The following IGSF9B variants were observed in gnomAD, a reference collection of about 807,000 sequenced individuals.
IGSF9B encodes the protein immunoglobulin superfamily member 9B.
In IGSF9B, 48 loss-of-function variants were observed where a neutral mutation model predicts 143.7. That is an observed-to-expected ratio of 0.33 (90% CI 0.26 to 0.42). The LOEUF is 0.42. Ranked by LOEUF, IGSF9B falls within the 20% of genes least tolerant of loss-of-function variation. The pLI, the probability that IGSF9B is intolerant of heterozygous loss-of-function variation, is 1.00. For synonymous variants in IGSF9B, 903 were observed against 833.1 expected (o/e 1.08, Z -1.44); for missense variants, 1,706 against 1,980.0 (o/e 0.86, Z 2.63).
Position 133,919,993 on chromosome 11 carries a change from T to C in IGSF9B, c.3732A>G (p.Ala1244=), listed in dbSNP as rs1396117593. ...GCGTAGACTTTCGAGAAAAGCTGAC[T>C]GCAGCCGGCGGCTGCAGGGTGATCT... ...MSEITLQPPA[A]VSFSRKSTPS... is the part of the protein sequence containing the mutation. Residue 1244 remains alanine, a synonymous_variant, in exon 18 of 20, where the codon GCA becomes GCG. Transcript: ENST00000533871. The C allele has an allele frequency of 3.2e-6, 5 of 1,581,632 alleles. No homozygotes were observed. The highest frequency in any genetic ancestry group is 4.3e-6 in the Non-Finnish European group (5 of 1,163,792).
rs535940574 is a variant in IGSF9B at position 133,901,006 on chromosome 11, C to T, written c.*8063G>A. On this transcript the variant is annotated 3_prime_UTR_variant, in exon 20 of 20. Transcript: ENST00000533871. ...GGAACTGGTTACCTTTCCACAGCCA[C>T]GTGGGGATGGAGTCACAGTTTTCAT... The T allele has an allele frequency of 4.6e-5, 7 of 152,202 alleles. No homozygotes were observed. The highest frequency in any genetic ancestry group is 1.4e-4 in the African/African-American group (6 of 41,436). 9.4% of individuals were successfully genotyped at this position (152,202 alleles called of 1,614,324 possible).
In IGSF9B at chr11:133,909,470, C is replaced by A. The variant is rs527716440; in HGVS notation, c.4106-193G>T. On this transcript the variant is annotated intron_variant, in intron 19 of 19. Coordinates refer to ENST00000533871, the MANE Select transcript of IGSF9B (RefSeq NM_001277285.4). This position sits in a 1 kb window ranked among gnomAD's most constrained non-coding sequence, Gnocchi z 4.2. ...CTTTTCCGCCAAGACAACCAGCAACCTGACCCTGCTCCTTTCACTTGAATA... is the reference window on the plus strand; with the variant it reads ...CTTTTCCGCCAAGACAACCAGCAACATGACCCTGCTCCTTTCACTTGAATA... Among the ~76,000 whole-genome samples the A allele has an allele frequency of 6.6e-6, 1 of 152,318 alleles. No individual in the cohort carries two copies. The highest frequency in any genetic ancestry group is 1.9e-4 in the East Asian group (1 of 5,184).
intron 15 of IGSF9B, among the ~76,000 whole-genome samples, chr11:133,923,445 A>G (rs1209598998): frequency 6.6e-6 from 1 of 152,180 alleles, no homozygotes; most frequent in African/African-American, 2.4e-5. Context: ...GTTTCACCAT[A>G]AGGAGCTGAA....
chr11:133,947,828 G>C (rs932435936), intron 1 of IGSF9B, among the ~76,000 whole-genome samples: 9 of 151,488 alleles, frequency 5.9e-5, no homozygotes, highest in Non-Finnish European at 1.5e-5. Flanking sequence ...CTGGATCTCT[G>C]TTTGTCTGTC....
rs1939150518 is a variant in IGSF9B at position 133,902,427 on chromosome 11, CCACACCACACACACCACCCAGA to C, written c.*6620_*6641del. Among the ~76,000 whole-genome samples, 1 of 74,656 alleles carries C rather than the reference CCACACCACACACACCACCCAGA, an allele frequency of 1.3e-5. No homozygotes were observed. The highest frequency in any genetic ancestry group is 5.5e-4 in the South Asian group (1 of 1,834). The allele number at this position is 74,656 out of a possible 152,430, so 49.0% of individuals were successfully genotyped here. On this transcript the variant is annotated 3_prime_UTR_variant, in exon 20 of 20. Transcript: ENST00000533871. The stretch of plus-strand genomic sequence containing the variant: ...ACACATACCACACACAATACACACA[CCACACCACACACACCACCCAGA>C]CACACCACACACAGATACACACACC...
intron 18 of IGSF9B, among the ~76,000 whole-genome samples, chr11:133,917,128 CT>C (rs1396778164): frequency 6.6e-6 from 1 of 152,320 alleles, no homozygotes; most frequent in Admixed American, 6.5e-5. Context: ...CTGTCTCCTT[CT>C]CGCCTGGAAA....
At chr11:133,956,294 C>A (rs1199585068) in intron 1 of IGSF9B, among the ~76,000 whole-genome samples, 1 of 152,180 alleles carries the variant, frequency 6.6e-6, no homozygotes, top group Non-Finnish European at 1.5e-5. Flanking sequence ...CGTGCTGCAG[C>A]CTGCCCGGAG....
intron 18 of IGSF9B, among the ~76,000 whole-genome samples, chr11:133,917,839 G>A (rs890174043): frequency 6.6e-6 from 1 of 152,074 alleles, no homozygotes; most frequent in South Asian, 2.1e-4. Flanking sequence ...GTGCGGGGGG[G>A]CTCTTCCTGG....
At position 133,909,177 on chromosome 11, in the gene IGSF9B, G is replaced by A. The variant is rs1939262847; in HGVS notation, c.4206C>T (p.Asp1402=). Residue 1402 remains aspartate (D), a synonymous_variant, in exon 20 of 20, where the codon GAC becomes GAT. Transcript: ENST00000533871. The surrounding 1 kb of genome is among the most constrained non-coding windows in gnomAD (Gnocchi z 4.2). The stretch of plus-strand genomic sequence containing the variant: ...ACAAGTCTGAGAGCCGGGCAAAGGG[G>A]TCAGGACGAGAATGTCTCTTCTTCT... ...LRKKKRHSRP[D]PFARLSDLCH... 31 of 1,535,806 alleles carry A rather than the reference G, an allele frequency of 2.0e-5. No homozygotes were observed. The highest frequency in any genetic ancestry group is 2.5e-5 in the Non-Finnish European group (29 of 1,146,750).
Position 133,919,768 on chromosome 11 carries a change from G to T in IGSF9B, c.3957C>A (p.Thr1319=). Residue 1319 remains threonine, a synonymous_variant, in exon 18 of 20, where the codon ACC becomes ACA. Transcript: ENST00000533871. ...CTGAAGTAGGTAACGTGGGTGGTGG[G>T]GTCTCCGGTCGGAGCAATTCCTCCC... ...RTGEELLRPE[T]PPPTLPTSGT... The T allele has an allele frequency of 6.7e-7, 1 of 1,481,966 alleles. No individual in the cohort carries two copies. The highest frequency in any genetic ancestry group is 1.5e-5 in the South Asian group (1 of 68,398). The allele number at this position is 1,481,966 out of a possible 1,614,324, so 91.8% of individuals were successfully genotyped here.
Position 133,945,566 on chromosome 11 carries a change from C to T in IGSF9B, c.262+495G>A, listed in dbSNP as rs984546481. Among the ~76,000 whole-genome samples the T allele has an allele frequency of 1.3e-5, 2 of 152,186 alleles. No individual in the cohort carries two copies. Among genetic ancestry groups the T allele is most frequent in the African/African-American group, 4.8e-5 (2 of 41,462 alleles). On this transcript the variant is annotated intron_variant, in intron 2 of 19. Transcript: ENST00000533871. This position sits in a 1 kb window ranked among gnomAD's most constrained non-coding sequence, Gnocchi z 4.6. ...TTTGCTGGCAGGAGTAACTGCCAAA[C>T]AGGACACAGACGGGGCCAGGAGAAG...
Position 133,899,013 on chromosome 11 carries a change from A to C in IGSF9B, c.*10056T>G, listed in dbSNP as rs1939071677. 1 of 152,230 alleles carries C rather than the reference A, an allele frequency of 6.6e-6. No individual in the cohort carries two copies. 9.4% of individuals were successfully genotyped at this position (152,230 alleles called of 1,614,324 possible). A position where few individuals can be genotyped will look rare whatever the true frequency, so the allele number is the denominator to read the frequency against. Reference sequence around the variant, plus strand: ...AGTGGGGAAGAGGGACAGGGCCCACACTGATCCATGGGAGAGTGATTCTCA... The same window carrying C: ...AGTGGGGAAGAGGGACAGGGCCCACCCTGATCCATGGGAGAGTGATTCTCA... On this transcript the variant is annotated 3_prime_UTR_variant, in exon 20 of 20. Transcript: ENST00000533871.
At chr11:133,916,929 C>G (rs3802923) in intron 18 of IGSF9B, among the ~76,000 whole-genome samples, 32,201 of 152,048 alleles carry the variant, frequency 0.21, 3,905 homozygotes, top group Non-Finnish European at 0.27. Flanking sequence ...AGCCCTCACA[C>G]TCACCCTATG....
rs1244743003 is a variant in IGSF9B at position 133,897,815 on chromosome 11, G to GC, written c.*11253dup. ...GTTCACACTCAAAGGTGTTCTGTGT[G>GC]CAGCTGTACAATTTGTTGGTTTGTC... On this transcript the variant is annotated 3_prime_UTR_variant, in exon 20 of 20. Transcript: ENST00000533871. The GC allele has an allele frequency of 6.6e-6, 1 of 152,196 alleles. No individual in the cohort carries two copies. The highest frequency in any genetic ancestry group is 1.5e-5 in the Non-Finnish European group (1 of 68,042). 9.4% of individuals were successfully genotyped at this position (152,196 alleles called of 1,614,324 possible). A position where few individuals can be genotyped will look rare whatever the true frequency, so the allele number is the denominator to read the frequency against.
Position 133,908,803 on chromosome 11 carries a change from A to AG in IGSF9B, c.*265dup, listed in dbSNP as rs1477633412. The AG allele has an allele frequency of 1.5e-5, 6 of 408,994 alleles. No homozygotes were observed. Among genetic ancestry groups the AG allele is most frequent in the South Asian group, 5.3e-5 (1 of 18,916 alleles). The allele number at this position is 408,994 out of a possible 1,614,324, so 25.3% of individuals were successfully genotyped here. ...ATGAGAAAAATCAACCTAGTGAAGC[A>AG]GGGGGCGGAGGGGAGGAGACAGGTG... On this transcript the variant is annotated 3_prime_UTR_variant, in exon 20 of 20. Transcript: ENST00000533871.
chr11:133,944,107 A>AG, intron 3 of IGSF9B, 113 bp downstream of exon 3: 1 of 1,147,406 alleles, frequency 8.7e-7, no homozygotes, highest in Middle Eastern at 2.6e-4. Flanking sequence ...GGAGGGGGGC[A>AG]GGGGGTGAGA....
chr11:133,928,553 G>A lies in IGSF9B; in HGVS notation c.1631+1118C>T, dbSNP rs1939669921. ...CTCCCCTCGAGCTCCCCCTCCTCGA[G>A]TTGAGCCTGGCTAGAGAGACACCTG... On this transcript the variant is annotated intron_variant, in intron 12 of 19. Transcript: ENST00000533871. The surrounding 1 kb of genome is among the most constrained non-coding windows in gnomAD (Gnocchi z 4.7). Among the ~76,000 whole-genome samples, 1 of 152,104 alleles carries A rather than the reference G, an allele frequency of 6.6e-6. No individual in the cohort carries two copies. The highest frequency in any genetic ancestry group is 2.4e-5 in the African/African-American group (1 of 41,418).
At position 133,902,448 on chromosome 11, in the gene IGSF9B, G is replaced by GACACACCACACACATGCACACCACAC. The variant is rs747664339; in HGVS notation, c.*6620_*6621insGTGTGGTGTGCATGTGTGTGGTGTGT. Among the ~76,000 whole-genome samples the GACACACCACACACATGCACACCACAC allele has an allele frequency of 4.7e-5, 6 of 127,542 alleles. No homozygotes were observed. In the South Asian group the frequency reaches 1.3e-3, roughly 27 times the overall value. The allele number at this position is 127,542 out of a possible 152,430, so 83.7% of individuals were successfully genotyped here. A position where few individuals can be genotyped will look rare whatever the true frequency, so the allele number is the denominator to read the frequency against. On this transcript the variant is annotated 3_prime_UTR_variant, in exon 20 of 20. Coordinates refer to ENST00000533871, the MANE Select transcript of IGSF9B (RefSeq NM_001277285.4). ...CACACCACACCACACACACCACCCAGACACACCACACACAGATACACACAC... is the reference window on the plus strand; with the variant it reads ...CACACCACACCACACACACCACCCAGACACACCACACACATGCACACCACACACACACCACACACAGATACACACAC...
rs1042277799 is a variant in IGSF9B at position 133,905,958 on chromosome 11, T to G, written c.*3111A>C. ...AAGAACCGTTTTCCCCTCTTCCTGG[T>G]CTGTGGGTCACCTGACACTACAACA... On this transcript the variant is annotated 3_prime_UTR_variant, in exon 20 of 20. Transcript: ENST00000533871. The surrounding 1 kb of genome is among the most constrained non-coding windows in gnomAD (Gnocchi z 4.0). Among the ~76,000 whole-genome samples, 6 of 152,344 alleles carry G rather than the reference T, an allele frequency of 3.9e-5. No individual in the cohort carries two copies. The highest frequency in any genetic ancestry group is 3.4e-3 in the Middle Eastern group (1 of 294).
Sources: gnomAD v4.1 joint callset for allele counts (sites outside exome capture counted in the v4.1 genomes callset) on GRCh38, gnomAD v4.1.1 for gene constraint, Gnocchi (gnomAD v3.1) non-coding constraint, MANE v1.5 for transcripts, NCBI Gene and HGNC (gene_info 2026-07-23, HGNC 2026-07-21) for gene names.